The following FZD3 variants were observed in gnomAD, a reference collection of about 807,000 sequenced individuals.
FZD3 encodes the protein frizzled class receptor 3.
A neutral mutation model predicts 60.7 loss-of-function variants in FZD3; 30 were observed. The ratio of observed to expected loss-of-function variants is 0.49; its 90% CI spans 0.37 to 0.67. FZD3 has a LOEUF of 0.67. Among genes scored for constraint, FZD3 ranks in the 30% least tolerant of loss-of-function variants. The pLI is 0.00. For missense variants in FZD3, 605 were observed against 838.7 expected (o/e 0.72, Z 3.44); for synonymous variants, 246 against 275.2 (o/e 0.89, Z 1.05).
chr8:28,508,302 A>G (rs376956253), intron 3 of FZD3, among the ~76,000 whole-genome samples: 13 of 152,194 alleles, frequency 8.5e-5, no homozygotes, highest in African/African-American at 2.4e-5. Context: ...TGAATCATCA[A>G]TTTCTTTAGG....
In FZD3 at chr8:28,547,140, C is replaced by T. The variant is rs183851006; in HGVS notation, c.1405-4463C>T. ...ATATCCTCTTTCAGTTATGTTCACG[C>T]GTGTACAAACAAGTATATTCCTTTG... is the stretch of plus-strand genomic sequence containing the variant. On this transcript the variant is annotated intron_variant, in intron 5 of 7. Transcript: ENST00000240093. Among the ~76,000 whole-genome samples the T allele has an allele frequency of 5.1e-3, 777 of 152,202 alleles. 8 individuals carry two copies. The highest frequency in any genetic ancestry group is 7.5e-3 in the South Asian group (36 of 4,814).
At chr8:28,545,362 G>A (rs774837792) in intron 5 of FZD3, among the ~76,000 whole-genome samples, 1 of 152,296 alleles carries the variant, frequency 6.6e-6, no homozygotes, top group East Asian at 1.9e-4. Context: ...TTTGGGAGAG[G>A]TCAGCCTCTA....
At chr8:28,552,533 C>G (rs1316727377) in intron 6 of FZD3, among the ~76,000 whole-genome samples, 2 of 152,128 alleles carry the variant, frequency 1.3e-5, no homozygotes, top group Non-Finnish European at 2.9e-5. Flanking sequence ...TCTGAATTAT[C>G]ACAAACTCTA....
In FZD3 at chr8:28,571,491, A is replaced by G. The variant is rs571699974; in HGVS notation, c.*8480A>G. 6.6e-6 allele frequency: 1 copy of G among 152,314 alleles called. No individual in the cohort carries two copies. The highest frequency in any genetic ancestry group is 1.9e-4 in the East Asian group (1 of 5,190). 9.4% of individuals were successfully genotyped at this position (152,314 alleles called of 1,614,324 possible). A position where few individuals can be genotyped will look rare whatever the true frequency, so the allele number is the denominator to read the frequency against. ...TGGGACTCCCCAATGTGAAAATATT[A>G]GTCTGGACATTCTCTTGCCATCAGG... On this transcript the variant is annotated 3_prime_UTR_variant, in exon 8 of 8. Transcript: ENST00000240093.
In FZD3 at chr8:28,564,250, A is replaced by G. The variant is rs936750671; in HGVS notation, c.*1239A>G. The G allele has an allele frequency of 2.0e-5, 3 of 152,254 alleles. No individual in the cohort carries two copies. The allele number at this position is 152,254 out of a possible 1,614,324, so 9.4% of individuals were successfully genotyped here. The stretch of plus-strand genomic sequence containing the variant: ...TCTGATAATGTTTAAATAATTTACA[A>G]TATAAACTGTAAAACTTATTAGGCA... On this transcript the variant is annotated 3_prime_UTR_variant, in exon 8 of 8. Coordinates refer to ENST00000240093, the MANE Select transcript of FZD3 (RefSeq NM_017412.4).
intron 5 of FZD3, among the ~76,000 whole-genome samples, chr8:28,548,283 A>T (rs1331241837): frequency 6.6e-6 from 1 of 151,562 alleles, no homozygotes; most frequent in Admixed American, 6.6e-5. Context: ...TTTTTCTTAC[A>T]TTTGAATTTT....
intron 1 of FZD3, among the ~76,000 whole-genome samples, chr8:28,495,667 C>A (rs1803824948): frequency 6.6e-6 from 1 of 152,058 alleles, no homozygotes; most frequent in Admixed American, 6.5e-5. Context: ...TCCGTCTTTA[C>A]TTTTAAACAA....
intron 2 of FZD3, among the ~76,000 whole-genome samples, chr8:28,501,674 T>A (rs1332126239): frequency 1.3e-5 from 2 of 152,198 alleles, no homozygotes; most frequent in Non-Finnish European, 2.9e-5. Context: ...CCCTCTCAGC[T>A]GAAATTGAGA....
At chr8:28,556,828 G>A (rs778760236) in intron 7 of FZD3, among the ~76,000 whole-genome samples, 5 of 152,200 alleles carry the variant, frequency 3.3e-5, no homozygotes, top group Non-Finnish European at 7.4e-5. Flanking sequence ...CACAGAGGAG[G>A]GAGTGATTAA....
chr8:28,557,209 CAAAAAAAAAAAA>C (rs34146681), intron 7 of FZD3, among the ~76,000 whole-genome samples: 1 of 117,948 alleles, frequency 8.5e-6, no homozygotes, highest in African/African-American at 3.3e-5. Context: ...AACTCTGTCT[CAAAAAAAAAAAA>C]AAAAAGAAGA....
chr8:28,516,346 G>A lies in FZD3; in HGVS notation c.190-4292G>A, dbSNP rs531299785. On this transcript the variant is annotated intron_variant, in intron 3 of 7. Transcript: ENST00000240093. ...ATTGGAAAATATGCGTACTCCAATT[G>A]GTTCTTTTTCAAGATTGTTTTGGCT... Among the ~76,000 whole-genome samples the A allele has an allele frequency of 5.3e-5, 8 of 152,178 alleles. No homozygotes were observed. In the East Asian group the frequency reaches 1.4e-3, roughly 26 times the overall value.
At chr8:28,524,138 AAGAC>A (rs1563390892) in intron 4 of FZD3, among the ~76,000 whole-genome samples, 1 of 152,176 alleles carries the variant, frequency 6.6e-6, no homozygotes, top group African/African-American at 2.4e-5. Context: ...AAAATGGACT[AAGAC>A]AGCACCTATT....
rs893494159 is a variant in FZD3 at position 28,565,098 on chromosome 8, A to G, written c.*2087A>G. On this transcript the variant is annotated 3_prime_UTR_variant, in exon 8 of 8. Transcript: ENST00000240093. ...ACTGCCAAGAAATTAGGTGTTGAAA[A>G]AGAATATTCTCATCAGGCAGCAAAG... 3 of 152,216 alleles carry G rather than the reference A, an allele frequency of 2.0e-5. No homozygotes were observed. Among genetic ancestry groups the G allele is most frequent in the Non-Finnish European group, 4.4e-5 (3 of 68,030 alleles). 9.4% of individuals were successfully genotyped at this position (152,216 alleles called of 1,614,324 possible).
Position 28,565,852 on chromosome 8 carries a change from T to C in FZD3, c.*2841T>C, listed in dbSNP as rs1805696266. ...CAGTTTTCCTACCATATGTTTAACTTTGATTGGCATATGATAATGTTTAGT... is the reference window on the plus strand; with the variant it reads ...CAGTTTTCCTACCATATGTTTAACTCTGATTGGCATATGATAATGTTTAGT... On this transcript the variant is annotated 3_prime_UTR_variant, in exon 8 of 8. Transcript: ENST00000240093. 1 of 152,174 alleles carries C rather than the reference T, an allele frequency of 6.6e-6. No individual in the cohort carries two copies. Among genetic ancestry groups the C allele is most frequent in the Admixed American group, 6.5e-5 (1 of 15,268 alleles). The allele number at this position is 152,174 out of a possible 1,614,324, so 9.4% of individuals were successfully genotyped here.
rs1332563395 is a variant in FZD3 at position 28,527,027 on chromosome 8, T to C, written c.387-120T>C. The C allele has an allele frequency of 6.0e-6, 5 of 836,136 alleles. No homozygotes were observed. The highest frequency in any genetic ancestry group is 9.5e-6 in the Non-Finnish European group (5 of 525,904). The allele number at this position is 836,136 out of a possible 1,614,324, so 51.8% of individuals were successfully genotyped here. Reference sequence around the variant, plus strand: ...TCACCATTTACTTTATTTCTACATATTACATTTGCTCTCCAGGAATAAATA... The same window carrying C: ...TCACCATTTACTTTATTTCTACATACTACATTTGCTCTCCAGGAATAAATA... On this transcript the variant is annotated intron_variant, in intron 4 of 7. Coordinates refer to ENST00000240093, the MANE Select transcript of FZD3 (RefSeq NM_017412.4). This position sits in a 1 kb window ranked among gnomAD's most constrained non-coding sequence, Gnocchi z 5.0.
chr8:28,497,545 C>G (rs1005381907), intron 1 of FZD3, among the ~76,000 whole-genome samples: 3 of 152,208 alleles, frequency 2.0e-5, no homozygotes, highest in Non-Finnish European at 4.4e-5. Flanking sequence ...GAATATCCCT[C>G]CTGTTCGCTC....
intron 3 of FZD3, among the ~76,000 whole-genome samples, chr8:28,509,420 A>G (rs1320576633): frequency 1.3e-5 from 2 of 151,944 alleles, no homozygotes; most frequent in African/African-American, 4.8e-5. Context: ...TCCACTTAAT[A>G]TATTTCAGAT....
rs1348418225 is a variant in FZD3, at chr8:28,568,331, G to A, written c.*5320G>A. 4 of 151,938 alleles carry A rather than the reference G, an allele frequency of 2.6e-5. No homozygotes were observed. Among genetic ancestry groups the A allele is most frequent in the African/African-American group, 9.7e-5 (4 of 41,366 alleles). 9.4% of individuals were successfully genotyped at this position (151,938 alleles called of 1,614,324 possible). On this transcript the variant is annotated 3_prime_UTR_variant, in exon 8 of 8. Coordinates refer to ENST00000240093, the MANE Select transcript of FZD3 (RefSeq NM_017412.4). Reference sequence around the variant, plus strand: ...ATTTTATATGAAAATAATTGTATTGGCATCTCTTCATAATTTAATTCTCTT... The same window carrying A: ...ATTTTATATGAAAATAATTGTATTGACATCTCTTCATAATTTAATTCTCTT...
intron 5 of FZD3, among the ~76,000 whole-genome samples, chr8:28,535,704 A>G (rs1804992918): frequency 6.6e-6 from 1 of 152,210 alleles, no homozygotes. Flanking sequence ...AGTCAGAGTA[A>G]TATTTCACAA....
Sources: allele counts gnomAD v4.1 joint callset (sites outside exome capture counted in the v4.1 genomes callset), GRCh38; gene constraint gnomAD v4.1.1; non-coding constraint Gnocchi (gnomAD v3.1); transcripts MANE v1.5; gene names NCBI Gene and HGNC (gene_info 2026-07-23, HGNC 2026-07-21).